NPC1: variants seen among roughly 807,000 people sequenced by gnomAD.
NPC1 encodes the protein NPC intracellular cholesterol transporter 1, also known as Niemann-Pick C1 protein.
In NPC1, 85 loss-of-function variants were observed where a neutral mutation model predicts 140.4. The observed-to-expected ratio is 0.61, with a 90% CI of 0.51 to 0.72. The LOEUF is 0.72. Ranked by LOEUF, NPC1 falls within the 30% of genes least tolerant of loss-of-function variation. NPC1 has a pLI of 0.00. For missense variants in NPC1, 1,504 were observed against 1,623.8 expected (o/e 0.93, Z 1.27); for synonymous variants, 656 against 624.8 (o/e 1.05, Z -0.74).
rs1252597925 is a variant in NPC1 at position 23,556,556 on chromosome 18, A to G, written c.1013T>C (p.Leu338Pro). 1 of 1,614,156 alleles carries G rather than the reference A, an allele frequency of 6.2e-7. No individual in the cohort carries two copies. Among genetic ancestry groups the G allele is most frequent in the Admixed American group, 1.7e-5 (1 of 60,020 alleles). The change falls in exon 8 of 25, where the codon CTG becomes CCG. Residue 338 changes from leucine (L) to proline (P), a missense_variant. By Grantham distance (98) the Leu-to-Pro change is moderately conservative. Coordinates refer to ENST00000269228, the MANE Select transcript of NPC1 (RefSeq NM_000271.5). Reference sequence around the variant, plus strand: ...GCAGAAAGACCCCCAGCGTGTGAACAGCCGCCTCAAGCAGCCCTCAAATGC... The same window carrying G: ...GCAGAAAGACCCCCAGCGTGTGAACGGCCGCCTCAAGCAGCCCTCAAATGC... ...SAAFEGCLRR[L>P]FTRWGSFCVR...
At chr18:23,583,802 A>T (rs985802107) in intron 1 of NPC1, among the ~76,000 whole-genome samples, 1 of 152,310 alleles carries the variant, frequency 6.6e-6, no homozygotes, top group Non-Finnish European at 1.5e-5. Flanking sequence ...GCTCAAATTT[A>T]AAAAAATCTC....
chr18:23,543,729 T>G (rs2077727162), intron 13 of NPC1, among the ~76,000 whole-genome samples, 160 bp from the exon 14 acceptor site: 1 of 152,168 alleles, frequency 6.6e-6, no homozygotes, highest in Non-Finnish European at 1.5e-5. Context: ...TCCAATGTTC[T>G]CAGAGTATTT....
At chr18:23,572,205 C>A (rs1432329665) in intron 2 of NPC1, 25 bp from the exon 3 acceptor site, 4 of 1,503,614 alleles carry the variant, frequency 2.7e-6, no homozygotes, top group Non-Finnish European at 3.7e-6. Context: ...AGCACAGACA[C>A]GGGAGTAGGC....
downstream of NPC1, chr18:23,530,210 G>T: frequency 1.2e-6 from 2 of 1,614,118 alleles, no homozygotes; most frequent in Non-Finnish European, 1.7e-6. Flanking sequence ...ACTGAAGTGG[G>T]TCTAAAAATG....
chr18:23,543,385 C>A, intron 14 of NPC1, 70 bp downstream of exon 14: 2 of 824,870 alleles, frequency 2.4e-6, no homozygotes, highest in Non-Finnish European at 2.1e-6. Context: ...GGGACATGTT[C>A]AGGTAGCCAG....
At chr18:23,524,257 C>A in intron 1 of NPC1, 1 of 1,558,762 alleles carries the variant, frequency 6.4e-7, no homozygotes, top group Non-Finnish European at 8.8e-7. Context: ...CTCCTCCGGG[C>A]AGCTGTGAAT....
downstream of NPC1, chr18:23,528,349 T>C: frequency 6.4e-6 from 1 of 157,102 alleles, no homozygotes; most frequent in Non-Finnish European, 1.4e-5. Context: ...GTGTTAGCAC[T>C]TAGCAGGCGT....
chr18:23,576,222 C>CA (rs948284734), intron 1 of NPC1, among the ~76,000 whole-genome samples: 21 of 151,572 alleles, frequency 1.4e-4, no homozygotes, highest in Non-Finnish European at 2.9e-4. Context: ...TAAACTGTCT[C>CA]AAAAAACAAA....
At chr18:23,528,380 C>T (rs1488739689), downstream of NPC1, 1 of 155,070 alleles carries the variant, frequency 6.4e-6, no homozygotes, top group Non-Finnish European at 1.4e-5. Flanking sequence ...AAGGTAATAA[C>T]CATGGCTTAT....
chr18:23,530,001 T>C (rs1342449716), downstream of NPC1: 1 of 1,577,284 alleles, frequency 6.3e-7, no homozygotes, highest in Non-Finnish European at 8.7e-7. Context: ...TTGGAAGTGT[T>C]CTTTCACTTT....
chr18:23,549,683 G>A (rs1286368320), intron 10 of NPC1, among the ~76,000 whole-genome samples: 1 of 148,024 alleles, frequency 6.8e-6, no homozygotes, highest in Non-Finnish European at 1.5e-5. Flanking sequence ...TTCTTCTTTT[G>A]TTATCTTTCA....
chr18:23,541,442 G>A lies in NPC1; in HGVS notation c.2246-9C>T, dbSNP rs372137658. ...CATCACGGACAATGCTCCTGTCGGGGAGAGAAGGGCTCTGCGTCACTTCTG... is the reference window on the plus strand; with the variant it reads ...CATCACGGACAATGCTCCTGTCGGGAAGAGAAGGGCTCTGCGTCACTTCTG... On this transcript the variant is annotated splice_polypyrimidine_tract_variant and intron_variant, in intron 14 of 24. Transcript: ENST00000269228. 6.2e-7 allele frequency: 1 copy of A among 1,614,196 alleles called. No individual in the cohort carries two copies. The highest frequency in any genetic ancestry group is 1.1e-5 in the South Asian group (1 of 91,074).
intron 19 of NPC1, among the ~76,000 whole-genome samples, 181 bp downstream of exon 19, chr18:23,539,170 GCTGT>G (rs1161521011): frequency 2.0e-5 from 3 of 152,206 alleles, no homozygotes; most frequent in Non-Finnish European, 2.9e-5. Context: ...CCCGAGGGTG[GCTGT>G]CTGAGCCAGG....
At chr18:23,510,895 A>T (rs1483594842) in intron 3 of NPC1, among the ~76,000 whole-genome samples, 1 of 152,262 alleles carries the variant, frequency 6.6e-6, no homozygotes, top group African/African-American at 2.4e-5. Context: ...AATTAGTTCA[A>T]CCTTTGTGGA....
intron 3 of NPC1, chr18:23,507,882 TTTAAG>T: frequency 1.0e-6 from 1 of 987,812 alleles, no homozygotes. Context: ...CTGGTCACTT[TTTAAG>T]TTAATATTTA....
At chr18:23,539,764 A>C in intron 18 of NPC1, 47 bp downstream of exon 18, 3 of 1,590,640 alleles carry the variant, frequency 1.9e-6, no homozygotes, top group Non-Finnish European at 2.6e-6. Context: ...TGCCTGGCTG[A>C]GAGCCTCCTC....
intron 20 of NPC1, among the ~76,000 whole-genome samples, chr18:23,537,481 T>C (rs2058649267): frequency 6.6e-6 from 1 of 152,164 alleles, no homozygotes. Context: ...AGTCCTGTTG[T>C]GTAATAGGAA....
chr18:23,512,036 T>C (rs111565280), intron 3 of NPC1, among the ~76,000 whole-genome samples: 17,668 of 137,318 alleles, frequency 0.13, 1,941 homozygotes, highest in African/African-American at 0.33. Context: ...TTTTTTTTTT[T>C]CTGAGACAGA....
intron 3 of NPC1, among the ~76,000 whole-genome samples, chr18:23,513,849 G>A (rs568233673): frequency 6.6e-6 from 1 of 152,300 alleles, no homozygotes; most frequent in South Asian, 2.1e-4. Context: ...ACTAATTCGG[G>A]TCATTGTGCC....
Sources: allele counts gnomAD v4.1 joint callset (sites outside exome capture counted in the v4.1 genomes callset), GRCh38; gene constraint gnomAD v4.1.1; transcripts MANE v1.5; gene names NCBI Gene and HGNC (gene_info 2026-07-23, HGNC 2026-07-21).